The following EIF2AK3 variants were observed in gnomAD, a reference collection of about 807,000 sequenced individuals.
EIF2AK3 encodes eukaryotic translation initiation factor 2 alpha kinase 3.
In EIF2AK3, 50 loss-of-function variants were observed where a neutral mutation model predicts 113.5. The ratio of observed to expected loss-of-function variants is 0.44; its 90% confidence interval spans 0.35 to 0.56. The LOEUF is 0.56. Among genes scored for constraint, EIF2AK3 ranks in the 20% least tolerant of loss-of-function variants. EIF2AK3 has a pLI of 0.00. For synonymous variants in EIF2AK3, 448 were observed against 495.4 expected, an observed-to-expected ratio of 0.90 and a Z score of 1.27; for missense variants, 1,185 against 1,378.0, an observed-to-expected ratio of 0.86 and a Z score of 2.22.
At chr2:88,610,082 A>G (rs2104464727) in intron 2 of EIF2AK3, among the ~76,000 whole-genome samples, 1 of 151,908 alleles carries the variant, frequency 6.6e-6, no homozygotes, top group Non-Finnish European at 1.5e-5. Context: ...TGATCACGCC[A>G]CTGCACTCCA....
intron 14 of EIF2AK3, among the ~76,000 whole-genome samples, chr2:88,568,260 G>A (rs565542549): frequency 2.6e-5 from 4 of 152,122 alleles, no homozygotes; most frequent in African/African-American, 7.2e-5. Flanking sequence ...TGGATTCCTC[G>A]GGACCCTAAC....
intron 2 of EIF2AK3, among the ~76,000 whole-genome samples, chr2:88,610,230 C>A (rs72923404): frequency 0.016 from 2,460 of 152,206 alleles, 68 homozygotes; most frequent in African/African-American, 0.055. Context: ...GTAACAGCAA[C>A]AAATTTGTTT....
chr2:88,573,670 T>C (rs1450701728), intron 13 of EIF2AK3, among the ~76,000 whole-genome samples: 3 of 152,202 alleles, frequency 2.0e-5, no homozygotes, highest in Non-Finnish European at 4.4e-5. Flanking sequence ...TATTAAAAAA[T>C]AAGAATTATT....
chr2:88,561,679 A>G (rs1203934259), intron 15 of EIF2AK3, among the ~76,000 whole-genome samples: 1 of 152,164 alleles, frequency 6.6e-6, no homozygotes, highest in Non-Finnish European at 1.5e-5. Flanking sequence ...ACATAGGCAG[A>G]GCCCATTTCT....
intron 9 of EIF2AK3, 130 bp downstream of exon 9, chr2:88,585,711 A>G: frequency 2.5e-6 from 2 of 785,364 alleles, no homozygotes; most frequent in Non-Finnish European, 4.1e-6. Flanking sequence ...AACACAAGGA[A>G]GATCACTGAG....
At chr2:88,587,204 CAA>C (rs780050125) in intron 8 of EIF2AK3, among the ~76,000 whole-genome samples, 13 of 30,256 alleles carry the variant, frequency 4.3e-4, no homozygotes, top group Non-Finnish European at 2.1e-4. Context: ...AACTCCATCT[CAA>C]AAAAAAAAAA....
At chr2:88,589,919 AAAG>A (rs1460336716) in intron 6 of EIF2AK3, among the ~76,000 whole-genome samples, 1 of 152,152 alleles carries the variant, frequency 6.6e-6, no homozygotes, top group Non-Finnish European at 1.5e-5. Context: ...CCTCAGAGAA[AAAG>A]AATATGCGAC....
chr2:88,584,207 G>GT (rs1674663571), intron 9 of EIF2AK3, among the ~76,000 whole-genome samples: 1 of 152,032 alleles, frequency 6.6e-6, no homozygotes, highest in African/African-American at 2.4e-5. Flanking sequence ...GTGTAGACTG[G>GT]TTCTTGTCCT....
chr2:88,582,158 A>G (rs1464075924), intron 10 of EIF2AK3, among the ~76,000 whole-genome samples: 2 of 152,152 alleles, frequency 1.3e-5, no homozygotes, highest in Non-Finnish European at 2.9e-5. Flanking sequence ...CAGGAGATAC[A>G]ACAGCAACTT....
chr2:88,558,923 A>G lies in EIF2AK3; in HGVS notation c.3144T>C (p.Pro1048=). The change falls in exon 16 of 17, where the codon CCT becomes CCC. Residue 1048 remains proline, a synonymous_variant. Coordinates refer to ENST00000303236, the MANE Select transcript of EIF2AK3 (RefSeq NM_004836.7). ...AGATGAGAATTACACATACCTCACA[A>G]GGATATTTCTGAGTAAATAATGGTG... ...KFPPLFTQKY[P]CEYVMVQDML... is the part of the protein sequence containing the mutation. 1 of 1,597,394 alleles carries G rather than the reference A, an allele frequency of 6.3e-7. No individual in the cohort carries two copies. The highest frequency in any genetic ancestry group is 8.6e-7 in the Non-Finnish European group (1 of 1,165,224).
chr2:88,573,283 T>C (rs938453363), intron 13 of EIF2AK3, among the ~76,000 whole-genome samples: 5 of 152,176 alleles, frequency 3.3e-5, no homozygotes, highest in African/African-American at 1.2e-4. Context: ...TTAGACAACA[T>C]TGTAGCATTA....
intron 11 of EIF2AK3, among the ~76,000 whole-genome samples, chr2:88,579,147 T>C (rs2104418747): frequency 6.6e-6 from 1 of 152,314 alleles, no homozygotes; most frequent in South Asian, 2.1e-4. Context: ...TCTAAAGTGT[T>C]AATAGTTATT....
chr2:88,627,498 C>G, upstream of EIF2AK3: 1 of 487,598 alleles, frequency 2.1e-6, no homozygotes, highest in South Asian at 5.4e-5. Context: ...AAACTTTCCG[C>G]GCGTTTGCTC....
chr2:88,606,523 G>C (rs1675283817), intron 2 of EIF2AK3, among the ~76,000 whole-genome samples: 2 of 152,268 alleles, frequency 1.3e-5, no homozygotes, highest in African/African-American at 4.8e-5. Context: ...ATGATTGACA[G>C]CTATGCTTCA....
intron 10 of EIF2AK3, among the ~76,000 whole-genome samples, chr2:88,580,385 T>C (rs563296037): frequency 3.9e-5 from 6 of 152,338 alleles, no homozygotes; most frequent in African/African-American, 1.2e-4. Flanking sequence ...ACCCTATTCT[T>C]CTTTCATTCT....
chr2:88,627,325 C>T lies in EIF2AK3; in HGVS notation c.-51G>A, dbSNP rs1018089199. The T allele has an allele frequency of 1.1e-4, 162 of 1,439,434 alleles. No individual in the cohort carries two copies. The highest frequency in any genetic ancestry group is 1.3e-4 in the Non-Finnish European group (147 of 1,097,490). 89.2% of individuals were successfully genotyped at this position (1,439,434 alleles called of 1,614,324 possible). On this transcript the variant is annotated 5_prime_UTR_variant, in exon 1 of 17. Transcript: ENST00000303236. ...TGGAGGCGCAGCCACTGACGCCTGCCTCTCCCGCCGCTTGGAGCTCCCAAG... is the reference window on the plus strand; with the variant it reads ...TGGAGGCGCAGCCACTGACGCCTGCTTCTCCCGCCGCTTGGAGCTCCCAAG...
Position 88,595,533 on chromosome 2 carries a change from T to A in EIF2AK3, c.569A>T (p.Asp190Val). 1 of 1,613,974 alleles carries A rather than the reference T, an allele frequency of 6.2e-7. No homozygotes were observed. Among genetic ancestry groups the A allele is most frequent in the Non-Finnish European group, 8.5e-7 (1 of 1,179,966 alleles). ...SLLESSYKFG[D>V]DVVLVGGKSL... The stretch of plus-strand genomic sequence containing the variant: ...TTTTCCTCCAACCAAAACAACATCA[T>A]CTCCAAATTTATAAGAAGATTCAAG... Residue 190 changes from aspartate (D) to valine (V), a missense_variant, in exon 3 of 17, where the codon GAT (aspartate) becomes GTT (valine). Asp to Val is a radical substitution (Grantham distance 152). This residue lies in a region of EIF2AK3 where 119 missense variants were observed against 178.7 expected (regional missense o/e 0.67). Coordinates refer to ENST00000303236, the MANE Select transcript of EIF2AK3 (RefSeq NM_004836.7).
Position 88,571,046 on chromosome 2 carries a change from A to G in EIF2AK3, c.2818-5T>C. 6.2e-7 allele frequency: 1 copy of G among 1,614,182 alleles called. No homozygotes were observed. Among genetic ancestry groups the G allele is most frequent in the Non-Finnish European group, 8.5e-7 (1 of 1,180,010 alleles). ...TGTAAAGAATATGTTGGATGGCTGGAAAGAATACAACAGACAAAAGTACAG... is the reference window on the plus strand; with the variant it reads ...TGTAAAGAATATGTTGGATGGCTGGGAAGAATACAACAGACAAAAGTACAG... On this transcript the variant is annotated splice_region_variant and splice_polypyrimidine_tract_variant and intron_variant, in intron 13 of 16. Coordinates refer to ENST00000303236, the MANE Select transcript of EIF2AK3 (RefSeq NM_004836.7).
intron 4 of EIF2AK3, among the ~76,000 whole-genome samples, chr2:88,592,550 G>A (rs1558655690): frequency 6.6e-6 from 1 of 152,054 alleles, no homozygotes; most frequent in Non-Finnish European, 1.5e-5. Flanking sequence ...GATCACCTGA[G>A]GTTGGGAGTT....
Sources: gnomAD v4.1 joint callset for allele counts (sites outside exome capture counted in the v4.1 genomes callset) on GRCh38, gnomAD v4.1.1 for gene constraint, gnomAD v4.1.1 regional missense constraint, MANE v1.5 for transcripts, NCBI Gene and HGNC (gene_info 2026-07-23, HGNC 2026-07-21) for gene names.